SAMMSON: variants seen among roughly 807,000 people sequenced by gnomAD.
The protein encoded by SAMMSON is long intergenic non-protein coding RNA 1212.
At chr3:70,363,360 T>A (rs1231905058) in intron 9 of SAMMSON, among the ~76,000 whole-genome samples, 1 of 151,954 alleles carries the variant, frequency 6.6e-6, no homozygotes, top group Non-Finnish European at 1.5e-5. Flanking sequence ...AGAAGAGGCA[T>A]CCAAATGGAA....
intron 4 of SAMMSON, chr3:70,172,324 ACT>A (rs1158076320): frequency 7.0e-6 from 1 of 141,962 alleles, no homozygotes; most frequent in Non-Finnish European, 1.5e-5. Context: ...GCCATGGGGT[ACT>A]CTCTGCGTCA....
rs539117470 is a variant in SAMMSON at position 70,176,829 on chromosome 3, T to C, written n.508-72278T>C. On this transcript the variant is annotated intron_variant and non_coding_transcript_variant, in intron 4 of 9. Transcript: ENST00000642114. ...GTATAAAAAGATGATCATTTTTTTC[T>C]GAAACTAAGTTACATATTATGGAAA... 3.9e-5 allele frequency among the ~76,000 whole-genome samples: 6 copies of C among 152,314 alleles called. No individual in the cohort carries two copies. In the South Asian group the frequency reaches 1.2e-3, roughly 32 times the overall value.
At chr3:70,031,704 G>C (rs2107583972) in intron 3 of SAMMSON, among the ~76,000 whole-genome samples, 1 of 152,240 alleles carries the variant, frequency 6.6e-6, no homozygotes, top group African/African-American at 2.4e-5. Flanking sequence ...CTTATTTTAG[G>C]TGTATGCCTG....
At chr3:70,139,268 C>T (rs936495221) in intron 4 of SAMMSON, among the ~76,000 whole-genome samples, 1 of 152,120 alleles carries the variant, frequency 6.6e-6, no homozygotes, top group Admixed American at 6.5e-5. Context: ...AACTCCTGGC[C>T]TCAAGTTATC....
intron 6 of SAMMSON, among the ~76,000 whole-genome samples, chr3:70,282,947 C>T (rs1288763278): frequency 5.9e-5 from 9 of 152,140 alleles, no homozygotes; most frequent in Admixed American, 5.9e-4. Flanking sequence ...ACTCTTATAA[C>T]CATTGAGTGT....
At chr3:70,217,163 C>CGA (rs1332916679) in intron 4 of SAMMSON, among the ~76,000 whole-genome samples, 12 of 152,044 alleles carry the variant, frequency 7.9e-5, no homozygotes, top group Admixed American at 7.9e-4. Context: ...ACTGCTATAT[C>CGA]CTAAAAGAGG....
chr3:70,395,314 T>C (rs1211794112), intron 2 of SAMMSON, among the ~76,000 whole-genome samples: 2 of 146,400 alleles, frequency 1.4e-5, no homozygotes, highest in African/African-American at 5.0e-5. Flanking sequence ...TCCTCTCCTC[T>C]CCTTCTCTCT....
intron 1 of SAMMSON, among the ~76,000 whole-genome samples, chr3:70,007,016 A>G (rs1368353505): frequency 1.3e-5 from 2 of 151,944 alleles, no homozygotes; most frequent in Non-Finnish European, 2.9e-5. Flanking sequence ...CATGGTGTAT[A>G]TGTGCCACAT....
intron 9 of SAMMSON, among the ~76,000 whole-genome samples, chr3:70,383,931 A>C (rs1196169957): frequency 2.0e-5 from 3 of 152,004 alleles, no homozygotes; most frequent in Non-Finnish European, 4.4e-5. Flanking sequence ...TTGTATCAGC[A>C]CTACCTGTCA....
chr3:70,172,087 C>A (rs1333511836), intron 4 of SAMMSON, among the ~76,000 whole-genome samples: 1 of 151,852 alleles, frequency 6.6e-6, no homozygotes, highest in Non-Finnish European at 1.5e-5. Flanking sequence ...TTGATCTGAT[C>A]CACTAGAACT....
At position 70,318,468 on chromosome 3, in the gene SAMMSON, G is replaced by T. The variant is rs1575624732; in HGVS notation, n.739+27225G>T. 2.0e-5 allele frequency among the ~76,000 whole-genome samples: 3 copies of T among 151,880 alleles called. 1 individual carries two copies. The highest frequency in any genetic ancestry group is 7.2e-5 in the African/African-American group (3 of 41,450). ...CAGTGTGAGAATTAACATTTTGTGTGTGTGTGTGTGTGAGTGTGTGTGTGT... is the reference window on the plus strand; with the variant it reads ...CAGTGTGAGAATTAACATTTTGTGTTTGTGTGTGTGTGAGTGTGTGTGTGT... On this transcript the variant is annotated intron_variant and non_coding_transcript_variant, in intron 7 of 9. Coordinates refer to ENST00000642114, the Ensembl canonical transcript of SAMMSON.
chr3:70,000,457 C>G (rs562418354), intron 1 of SAMMSON, among the ~76,000 whole-genome samples: 2 of 152,172 alleles, frequency 1.3e-5, no homozygotes, highest in South Asian at 4.2e-4. Context: ...CCTCTTTCAC[C>G]CACATTTTGT....
chr3:70,045,680 C>T (rs1459141852), intron 3 of SAMMSON, among the ~76,000 whole-genome samples: 2 of 151,954 alleles, frequency 1.3e-5, no homozygotes, highest in Admixed American at 6.6e-5. Context: ...TTTAGAAGCT[C>T]GGGTTTTAAA....
At chr3:70,380,054 C>T in intron 9 of SAMMSON, among the ~76,000 whole-genome samples, 1 of 151,802 alleles carries the variant, frequency 6.6e-6, no homozygotes, top group African/African-American at 2.4e-5. Context: ...AAATGAAGCC[C>T]TAAAAAGTTA....
intron 6 of SAMMSON, among the ~76,000 whole-genome samples, chr3:70,266,725 T>G (rs1701919917): frequency 6.6e-6 from 1 of 152,206 alleles, no homozygotes; most frequent in African/African-American, 2.4e-5. Flanking sequence ...GGATTAGAGA[T>G]GTGAGCCACT....
At chr3:70,148,809 C>T (rs991458223) in intron 4 of SAMMSON, among the ~76,000 whole-genome samples, 6 of 152,118 alleles carry the variant, frequency 3.9e-5, no homozygotes, top group African/African-American at 1.2e-4. Context: ...CCACCTCCAA[C>T]ACTGGGGATC....
At position 70,088,271 on chromosome 3, in the gene SAMMSON, A is replaced by G. The variant is rs114144495; in HGVS notation, n.507+16706A>G. 6.5e-3 allele frequency among the ~76,000 whole-genome samples: 991 copies of G among 152,316 alleles called. 6 individuals carry two copies. Among genetic ancestry groups the G allele is most frequent in the African/African-American group, 0.021 (863 of 41,582 alleles). ...CTGAGTTGGTCTCTTGGGTTAGAAT[A>G]TATGTGTTCTGATTGATTAAACCTG... On this transcript the variant is annotated intron_variant and non_coding_transcript_variant, in intron 4 of 9. Transcript: ENST00000642114.
At chr3:70,296,857 C>T (rs1313107608) in intron 7 of SAMMSON, among the ~76,000 whole-genome samples, 1 of 151,966 alleles carries the variant, frequency 6.6e-6, no homozygotes, top group African/African-American at 2.4e-5. Flanking sequence ...TAATAATGGC[C>T]TCTCTGTGCT....
intron 3 of SAMMSON, among the ~76,000 whole-genome samples, chr3:70,019,566 C>T (rs1194706715): frequency 6.6e-6 from 1 of 152,132 alleles, no homozygotes; most frequent in African/African-American, 2.4e-5. Flanking sequence ...TTAATTGGAG[C>T]ATTTAGCCCA....
Sources: allele counts gnomAD v4.1 joint callset (sites outside exome capture counted in the v4.1 genomes callset), GRCh38; gene constraint gnomAD v4.1.1; transcripts MANE v1.5; gene names NCBI Gene and HGNC (gene_info 2026-07-23, HGNC 2026-07-21).